PNOC: variants seen among roughly 807,000 people sequenced by gnomAD.
PNOC encodes nociceptin.
A neutral mutation model predicts 15.6 loss-of-function variants in PNOC; 10 were observed. That is an observed-to-expected ratio of 0.64 (90% confidence interval 0.40 to 1.09). The LOEUF is 1.09. PNOC is among the 50% of genes least tolerant of loss of function. The pLI is 0.01. For synonymous variants in PNOC, 98 were observed against 88.5 expected, an observed-to-expected ratio of 1.11 and a Z score of -0.60; for missense variants, 220 against 223.9, an observed-to-expected ratio of 0.98 and a Z score of 0.11.
At chr8:28,317,501 GA>G (rs1801078048) in intron 1 of PNOC, among the ~76,000 whole-genome samples, 185 bp downstream of exon 1, 1 of 152,228 alleles carries the variant, frequency 6.6e-6, no homozygotes, top group Non-Finnish European at 1.5e-5. Flanking sequence ...GGATGGTGGG[GA>G]ACGGGGGAGG....
At chr8:28,338,365 G>A (rs1801449762) in intron 2 of PNOC, among the ~76,000 whole-genome samples, 1 of 151,982 alleles carries the variant, frequency 6.6e-6, no homozygotes, top group Non-Finnish European at 1.5e-5. Flanking sequence ...GAGCCGAGCG[G>A]GTCTGCTGGG....
intron 2 of PNOC, among the ~76,000 whole-genome samples, chr8:28,330,396 ATTTTTTTTTT>A (rs67554549): frequency 1.2e-5 from 1 of 80,418 alleles, no homozygotes; most frequent in African/African-American, 3.9e-5. Flanking sequence ...ATTTTATTTT[ATTTTTTTTTT>A]TTTTTTGAGA....
In PNOC at chr8:28,330,396, AT is replaced by A. The variant is rs67554549; in HGVS notation, c.126+1129del. 6.2e-3 allele frequency among the ~76,000 whole-genome samples: 501 copies of A among 80,430 alleles called. 3 individuals carry two copies. The highest frequency in any genetic ancestry group is 0.011 in the Admixed American group (66 of 5,892). The allele number at this position is 80,430 out of a possible 152,430, so 52.8% of individuals were successfully genotyped here. On this transcript the variant is annotated intron_variant, in intron 2 of 3. Coordinates refer to ENST00000301908, the MANE Select transcript of PNOC (RefSeq NM_006228.5). ...ATTTTATTTTATTTTATTTTATTTTATTTTTTTTTTTTTTTTGAGACGGAGT... is the reference window on the plus strand; with the variant it reads ...ATTTTATTTTATTTTATTTTATTTTATTTTTTTTTTTTTTTGAGACGGAGT...
chr8:28,339,492 G>A lies in PNOC; in HGVS notation c.*47+1G>A. On this transcript the variant is annotated splice_donor_variant, in intron 3 of 3. Coordinates refer to ENST00000301908, the MANE Select transcript of PNOC (RefSeq NM_006228.5). LOFTEE classifies it low-confidence loss of function (3UTR_SPLICE). ...CTGTACCGGCCACTGCAACCCATGA[G>A]TGAGTTGGGCACCAATAAGCTGGGG... The A allele has an allele frequency of 6.7e-7, 1 of 1,496,636 alleles. No homozygotes were observed. Among genetic ancestry groups the A allele is most frequent in the Non-Finnish European group, 8.9e-7 (1 of 1,125,028 alleles). The allele number at this position is 1,496,636 out of a possible 1,614,324, so 92.7% of individuals were successfully genotyped here.
chr8:28,319,915 C>T (rs1020135971), intron 1 of PNOC, among the ~76,000 whole-genome samples: 3 of 152,096 alleles, frequency 2.0e-5, no homozygotes, highest in African/African-American at 7.2e-5. Flanking sequence ...TTAAATCCCA[C>T]AGTCGAACAT....
At chr8:28,342,900 A>G (rs1265898840) in intron 3 of PNOC, 42 bp from the exon 4 acceptor site, 28 of 836,308 alleles carry the variant, frequency 3.3e-5, no homozygotes, top group Non-Finnish European at 3.9e-5. Context: ...GGTCAGAAAA[A>G]CCATCAGGTT....
intron 1 of PNOC, among the ~76,000 whole-genome samples, chr8:28,317,680 G>A (rs1203448587): frequency 6.6e-6 from 1 of 152,060 alleles, no homozygotes; most frequent in Admixed American, 6.5e-5. Context: ...CACTTGGGAG[G>A]GGGTTTGCCT....
intron 1 of PNOC, 48 bp from the exon 2 acceptor site, chr8:28,329,087 C>T (rs1801278383): frequency 6.3e-7 from 1 of 1,584,652 alleles, no homozygotes; most frequent in Non-Finnish European, 8.6e-7. Flanking sequence ...CCCTGAGCAG[C>T]CCTCCGAGAA....
intron 2 of PNOC, among the ~76,000 whole-genome samples, chr8:28,331,962 T>G (rs1316928603): frequency 6.6e-6 from 1 of 152,232 alleles, no homozygotes; most frequent in African/African-American, 2.4e-5. Flanking sequence ...AATAGGCACA[T>G]CTGCTGCAGT....
intron 3 of PNOC, 71 bp downstream of exon 3, chr8:28,339,562 G>A: frequency 8.0e-7 from 1 of 1,249,732 alleles, no homozygotes. Context: ...CTTGCTCCCA[G>A]GCCTAGAAGC....
At position 28,330,400 on chromosome 8, in the gene PNOC, T is replaced by TATTTTTTTTATTTTTTTTA. The variant is rs1431540071; in HGVS notation, c.126+1117_126+1118insATTTTTTTTATTTTTTTTA. Among the ~76,000 whole-genome samples, 75 of 102,246 alleles carry TATTTTTTTTATTTTTTTTA rather than the reference T, an allele frequency of 7.3e-4. 1 individual carries two copies. The highest frequency in any genetic ancestry group is 1.0e-3 in the Non-Finnish European group (49 of 49,058). The allele number at this position is 102,246 out of a possible 152,430, so 67.1% of individuals were successfully genotyped here. A position where few individuals can be genotyped will look rare whatever the true frequency, so the allele number is the denominator to read the frequency against. ...TATTTTATTTTATTTTATTTTATTT[T>TATTTTTTTTATTTTTTTTA]TTTTTTTTTTTTGAGACGGAGTCTT... On this transcript the variant is annotated intron_variant, in intron 2 of 3. Coordinates refer to ENST00000301908, the MANE Select transcript of PNOC (RefSeq NM_006228.5).
chr8:28,329,562 G>A (rs1363357688), intron 2 of PNOC, among the ~76,000 whole-genome samples: 1 of 152,162 alleles, frequency 6.6e-6, no homozygotes, highest in Non-Finnish European at 1.5e-5. Flanking sequence ...AGAGAGTTTG[G>A]CAAATTCAGA....
At chr8:28,317,538 C>A (rs886148702) in intron 1 of PNOC, among the ~76,000 whole-genome samples, 1 of 152,130 alleles carries the variant, frequency 6.6e-6, no homozygotes, top group Non-Finnish European at 1.5e-5. Context: ...TAACCTCAGA[C>A]AGACGCAGAA....
intron 2 of PNOC, among the ~76,000 whole-genome samples, chr8:28,334,678 G>C (rs544045594): frequency 1.3e-5 from 2 of 152,172 alleles, no homozygotes; most frequent in African/African-American, 2.4e-5. Context: ...TATTTTTGTA[G>C]AGCTGAGGTC....
At chr8:28,318,925 C>T (rs1287192682) in intron 1 of PNOC, among the ~76,000 whole-genome samples, 1 of 152,230 alleles carries the variant, frequency 6.6e-6, no homozygotes, top group Non-Finnish European at 1.5e-5. Flanking sequence ...AGGCTCAAAC[C>T]TGTGCTCCCT....
intron 2 of PNOC, among the ~76,000 whole-genome samples, chr8:28,333,363 G>A (rs1423370378): frequency 1.3e-5 from 2 of 152,160 alleles, no homozygotes; most frequent in African/African-American, 2.4e-5. Flanking sequence ...ATGCCCATAC[G>A]CATTCTGGCT....
At chr8:28,317,964 C>A (rs148241336) in intron 1 of PNOC, among the ~76,000 whole-genome samples, 1 of 152,236 alleles carries the variant, frequency 6.6e-6, no homozygotes, top group Non-Finnish European at 1.5e-5. Flanking sequence ...TTCCAGAGAG[C>A]ATTTCTACGG....
In PNOC at chr8:28,339,012, T is replaced by C. The variant is rs767259440; in HGVS notation, c.127-28T>C. The C allele has an allele frequency of 3.2e-6, 5 of 1,540,498 alleles. No homozygotes were observed. The Admixed American group carries it at 7.7e-5, about 24-fold the overall frequency. On this transcript the variant is annotated intron_variant, in intron 2 of 3. Coordinates refer to ENST00000301908, the MANE Select transcript of PNOC (RefSeq NM_006228.5). ...GATTAACAGAGGTCCTTGTTCCTTC[T>C]CCCCTCCTCTCACCCGTATCTTTGC...
chr8:28,320,850 CAA>C (rs900121827), intron 1 of PNOC, among the ~76,000 whole-genome samples: 21 of 57,996 alleles, frequency 3.6e-4, no homozygotes, highest in East Asian at 2.1e-3. Context: ...GACTCCATCT[CAA>C]AAAAAAAAAA....
Sources: gnomAD v4.1 joint callset for allele counts (sites outside exome capture counted in the v4.1 genomes callset) on GRCh38, gnomAD v4.1.1 for gene constraint, MANE v1.5 for transcripts, NCBI Gene and HGNC (gene_info 2026-07-23, HGNC 2026-07-21) for gene names.